The following SNX13 variants were observed in gnomAD, a reference collection of about 807,000 sequenced individuals.
The protein encoded by SNX13 is sorting nexin-13.
In SNX13, 45 loss-of-function variants were observed where a neutral mutation model predicts 133.6. That is an observed-to-expected ratio of 0.34 (90% CI 0.27 to 0.43). SNX13 has a LOEUF of 0.43. Among genes scored for constraint, SNX13 ranks in the 20% least tolerant of loss-of-function variants. SNX13 has a pLI of 1.00. For missense variants in SNX13, 1,032 were observed against 1,145.1 expected (o/e 0.90, Z 1.43); for synonymous variants, 414 against 373.9 (o/e 1.11, Z -1.24).
chr7:17,802,761 T>C (rs752788241), intron 21 of SNX13, among the ~76,000 whole-genome samples: 1 of 152,112 alleles, frequency 6.6e-6, no homozygotes, highest in Non-Finnish European at 1.5e-5. Flanking sequence ...AGTACAAAAT[T>C]CTAATACCTA....
intron 5 of SNX13, chr7:17,883,066 T>C: frequency 7.7e-6 from 2 of 261,298 alleles, no homozygotes; most frequent in Admixed American, 5.5e-5. Flanking sequence ...AATAAGCAAA[T>C]TGGTGGAAAC....
intron 5 of SNX13, among the ~76,000 whole-genome samples, chr7:17,879,061 CCT>C (rs1274679434): frequency 5.3e-5 from 8 of 152,190 alleles, no homozygotes; most frequent in East Asian, 1.9e-4. Flanking sequence ...CAGACTAGGC[CCT>C]GTCTCCAGTT....
In SNX13 at chr7:17,803,874, C is replaced by T. The variant is rs532941532; in HGVS notation, c.2065-294G>A. On this transcript the variant is annotated intron_variant, in intron 20 of 25. Coordinates refer to ENST00000428135, the MANE Select transcript of SNX13 (RefSeq NM_015132.5). The stretch of plus-strand genomic sequence containing the variant: ...CAGCCTGGGCAACACAGTGAGACCC[C>T]ATCTCTAAAAAAAAAAAAAAAAAAA... Among the ~76,000 whole-genome samples the T allele has an allele frequency of 4.4e-4, 61 of 139,744 alleles. No individual in the cohort carries two copies. In the East Asian group the frequency reaches 9.1e-3, roughly 21 times the overall value. The allele number at this position is 139,744 out of a possible 152,430, so 91.7% of individuals were successfully genotyped here.
At chr7:17,877,572 A>G (rs763118757) in intron 5 of SNX13, among the ~76,000 whole-genome samples, 19 of 152,082 alleles carry the variant, frequency 1.2e-4, no homozygotes, top group Non-Finnish European at 2.8e-4. Flanking sequence ...TTCAAGTTAC[A>G]TCTGTCCTGT....
chr7:17,925,307 T>C (rs912980599), intron 1 of SNX13, among the ~76,000 whole-genome samples: 3 of 152,130 alleles, frequency 2.0e-5, no homozygotes, highest in African/African-American at 7.2e-5. Context: ...GGGTCTTCAG[T>C]TTGGAGTAAT....
In SNX13 at chr7:17,894,524, G is replaced by A. The variant is rs573506614; in HGVS notation, c.126-1090C>T. On this transcript the variant is annotated intron_variant, in intron 2 of 25. Coordinates refer to ENST00000428135, the MANE Select transcript of SNX13 (RefSeq NM_015132.5). ...TAATCTATGATTTGTTTAAAATAAG[G>A]CTGGAATTAAGAAAATATAAATGTA... Among the ~76,000 whole-genome samples the A allele has an allele frequency of 4.6e-5, 7 of 151,976 alleles. No homozygotes were observed. The East Asian group carries it at 9.7e-4, about 21-fold the overall frequency.
At chr7:17,937,020 T>TAA (rs536495058) in intron 1 of SNX13, among the ~76,000 whole-genome samples, 36 of 75,040 alleles carry the variant, frequency 4.8e-4, no homozygotes, top group East Asian at 1.6e-3. Flanking sequence ...TAAAATAAAA[T>TAA]AAAAAAAAAA....
chr7:17,804,242 T>C lies in SNX13; in HGVS notation c.2065-662A>G, dbSNP rs542446368. ...AAATGTTTTCCAAAACAGAAATTGA[T>C]GCAACTAGAATTAGCCACTATATAC... On this transcript the variant is annotated intron_variant, in intron 20 of 25. Transcript: ENST00000428135. 6.2e-4 allele frequency among the ~76,000 whole-genome samples: 94 copies of C among 152,246 alleles called. No homozygotes were observed. In the South Asian group the frequency reaches 0.019, roughly 31 times the overall value.
chr7:17,920,040 G>T (rs1177141204), intron 1 of SNX13, among the ~76,000 whole-genome samples: 1 of 152,050 alleles, frequency 6.6e-6, no homozygotes, highest in East Asian at 1.9e-4. Flanking sequence ...CTTTTGATGT[G>T]GCCTAAATCC....
rs1186764544 is a variant in SNX13, at chr7:17,796,826, C to G, written c.2626+1G>C. 6.3e-7 allele frequency: 1 copy of G among 1,591,954 alleles called. No homozygotes were observed. Among genetic ancestry groups the G allele is most frequent in the Non-Finnish European group, 8.6e-7 (1 of 1,161,400 alleles). On this transcript the variant is annotated splice_donor_variant, in intron 25 of 25. Coordinates refer to ENST00000428135, the MANE Select transcript of SNX13 (RefSeq NM_015132.5). LOFTEE classifies it high-confidence loss of function. The stretch of plus-strand genomic sequence containing the variant: ...ATTTTTAACTATACATGCTCACTCA[C>G]CTGGCATAATTGCAAGTAATTTCGT...
intron 1 of SNX13, among the ~76,000 whole-genome samples, chr7:17,939,619 A>G (rs1426880968): frequency 6.6e-6 from 1 of 152,230 alleles, no homozygotes; most frequent in Non-Finnish European, 1.5e-5. Context: ...TCCAAAGAAA[A>G]AAACTATTCC....
intron 1 of SNX13, among the ~76,000 whole-genome samples, chr7:17,918,650 C>T (rs1341076692): frequency 6.6e-6 from 1 of 152,140 alleles, no homozygotes; most frequent in East Asian, 1.9e-4. Context: ...TGTTAATACA[C>T]TGTTGGAAGT....
At position 17,792,187 on chromosome 7, in the gene SNX13, CT is replaced by C. The variant is rs971981776; in HGVS notation, c.*1857del. 3.3e-5 allele frequency: 5 copies of C among 152,060 alleles called. No homozygotes were observed. Among genetic ancestry groups the C allele is most frequent in the Non-Finnish European group, 7.4e-5 (5 of 67,910 alleles). The allele number at this position is 152,060 out of a possible 1,614,324, so 9.4% of individuals were successfully genotyped here. A position where few individuals can be genotyped will look rare whatever the true frequency, so the allele number is the denominator to read the frequency against. On this transcript the variant is annotated 3_prime_UTR_variant, in exon 26 of 26. Transcript: ENST00000428135. The stretch of plus-strand genomic sequence containing the variant: ...AGAGGCATATATGAAAATCACTGCA[CT>C]TATGGCCATGCTGATGCTTCCTACA...
At chr7:17,817,815 T>C (rs983268279) in intron 18 of SNX13, among the ~76,000 whole-genome samples, 2 of 152,186 alleles carry the variant, frequency 1.3e-5, no homozygotes, top group Non-Finnish European at 2.9e-5. Flanking sequence ...ATATGACCTA[T>C]CCACATTAAA....
chr7:17,792,673 T>A lies in SNX13; in HGVS notation c.*1372A>T, dbSNP rs1447270186. On this transcript the variant is annotated 3_prime_UTR_variant, in exon 26 of 26. Transcript: ENST00000428135. ...GATAAGTAGCTTCATTATTTTAAGG[T>A]TTTAGTGTTAAATATTTTTAAAACA... is the stretch of plus-strand genomic sequence containing the variant. 6.6e-6 allele frequency: 1 copy of A among 152,194 alleles called. No homozygotes were observed. Among genetic ancestry groups the A allele is most frequent in the Non-Finnish European group, 1.5e-5 (1 of 67,828 alleles). The allele number at this position is 152,194 out of a possible 1,614,324, so 9.4% of individuals were successfully genotyped here.
At chr7:17,913,334 G>A (rs1434233162) in intron 1 of SNX13, among the ~76,000 whole-genome samples, 1 of 152,194 alleles carries the variant, frequency 6.6e-6, no homozygotes, top group African/African-American at 2.4e-5. Context: ...GGGGTCCAGG[G>A]AACGGGGTCT....
chr7:17,798,496 G>A (rs1784289526), intron 24 of SNX13, among the ~76,000 whole-genome samples, 194 bp downstream of exon 24: 1 of 151,650 alleles, frequency 6.6e-6, no homozygotes, highest in Non-Finnish European at 1.5e-5. Context: ...TTCCTATTCT[G>A]GTTTTAAAGA....
intron 15 of SNX13, chr7:17,831,835 G>C: frequency 1.0e-6 from 1 of 983,068 alleles, no homozygotes; most frequent in Non-Finnish European, 1.2e-6. Context: ...ATAAAAAGAA[G>C]TATATCAGAA....
At chr7:17,804,601 AC>A (rs1237532685) in intron 20 of SNX13, among the ~76,000 whole-genome samples, 1 of 152,084 alleles carries the variant, frequency 6.6e-6, no homozygotes, top group Non-Finnish European at 1.5e-5. Context: ...AAAATAATTT[AC>A]ATTAATAAAG....
Sources: gnomAD v4.1 joint callset for allele counts (sites outside exome capture counted in the v4.1 genomes callset) on GRCh38, gnomAD v4.1.1 for gene constraint, MANE v1.5 for transcripts, NCBI Gene and HGNC (gene_info 2026-07-23, HGNC 2026-07-21) for gene names.